Variants in FKBP5 observed in about 807,000 individuals in gnomAD.
FKBP5 encodes peptidyl-prolyl cis-trans isomerase FKBP5.
A neutral mutation model predicts 50.5 loss-of-function variants in FKBP5; 23 were observed. That is an observed-to-expected ratio of 0.46 (90% confidence interval 0.33 to 0.65). The LOEUF (loss-of-function observed/expected upper bound fraction) is 0.65. Among genes scored for constraint, FKBP5 ranks in the 30% least tolerant of loss-of-function variants. The pLI is 0.02. For missense variants in FKBP5, 411 were observed against 553.1 expected, an observed-to-expected ratio of 0.74 and a Z score of 2.58; for synonymous variants, 176 against 190.6, an observed-to-expected ratio of 0.92 and a Z score of 0.63.
At chr6:35,692,682 T>G (rs1262281368), upstream of FKBP5, among the ~76,000 whole-genome samples, 1 of 151,562 alleles carries the variant, frequency 6.6e-6, no homozygotes, top group Non-Finnish European at 1.5e-5. Flanking sequence ...TCCCTGCTAC[T>G]TGGGAGGCTG....
chr6:35,583,385 AAAAC>A, intron 8 of FKBP5: 2 of 985,460 alleles, frequency 2.0e-6, no homozygotes, highest in Non-Finnish European at 2.4e-6. Flanking sequence ...AGGCCATGGT[AAAAC>A]AAAACAAAAC....
At chr6:35,604,595 GTAATCTTTCCTCTATTTTCAATTTT>G (rs1198518233) in intron 5 of FKBP5, among the ~76,000 whole-genome samples, 1 of 152,120 alleles carries the variant, frequency 6.6e-6, no homozygotes, top group Non-Finnish European at 1.5e-5. Flanking sequence ...ATGGGCAGAC[GTAATCTTTCCTCTATTTTCAATTTT>G]TGGTACCTTT....
chr6:35,701,227 GTTTTTGTTT>G (rs1049798425), intron 2 of FKBP5, among the ~76,000 whole-genome samples: 1 of 80,614 alleles, frequency 1.2e-5, no homozygotes, highest in African/African-American at 5.3e-5. Context: ...TTGTTTGTTT[GTTTTTGTTT>G]TTTGTTTTTT....
intron 8 of FKBP5, chr6:35,586,036 T>C: frequency 1.0e-6 from 1 of 985,364 alleles, no homozygotes; most frequent in Non-Finnish European, 1.2e-6. Flanking sequence ...TGCTTTATAC[T>C]GCTGAAAAAC....
At chr6:35,613,848 A>AAATTTC (rs1188910477) in intron 5 of FKBP5, among the ~76,000 whole-genome samples, 1 of 152,210 alleles carries the variant, frequency 6.6e-6, no homozygotes, top group Non-Finnish European at 1.5e-5. Context: ...GTACATTCTA[A>AAATTTC]CAAGATGAAA....
At chr6:35,707,742 T>C (rs894425713) in intron 2 of FKBP5, among the ~76,000 whole-genome samples, 1 of 152,120 alleles carries the variant, frequency 6.6e-6, no homozygotes, top group Non-Finnish European at 1.5e-5. Context: ...GTATCTGTTG[T>C]TCCCCTCTTT....
intron 1 of FKBP5, among the ~76,000 whole-genome samples, chr6:35,726,529 T>A (rs1201861065): frequency 8.5e-6 from 1 of 118,054 alleles, no homozygotes; most frequent in Non-Finnish European, 1.7e-5. Context: ...TCCCATCTCC[T>A]CCTCCTCCAC....
intron 2 of FKBP5, among the ~76,000 whole-genome samples, chr6:35,701,808 T>C (rs996866200): frequency 3.3e-5 from 5 of 152,022 alleles, no homozygotes; most frequent in African/African-American, 1.2e-4. Flanking sequence ...CCCAAAGTGT[T>C]GGGATTACAG....
intron 1 of FKBP5, among the ~76,000 whole-genome samples, chr6:35,670,207 TTTAGAG>T (rs1419868176): frequency 6.6e-6 from 1 of 152,186 alleles, no homozygotes; most frequent in Non-Finnish European, 1.5e-5. Flanking sequence ...TCTTTGCTGT[TTTAGAG>T]TTAATTATTT....
At chr6:35,689,712 G>T (rs1013381339), upstream of FKBP5, among the ~76,000 whole-genome samples, 1 of 151,960 alleles carries the variant, frequency 6.6e-6, no homozygotes, top group Non-Finnish European at 1.5e-5. Context: ...TTGGTGGCGC[G>T]CGCCGTCCCA....
intron 1 of FKBP5, among the ~76,000 whole-genome samples, chr6:35,676,891 C>T (rs1340600499): frequency 6.6e-6 from 1 of 152,194 alleles, no homozygotes; most frequent in African/African-American, 2.4e-5. Context: ...GGAAGCTAGA[C>T]AACTGCTAGT....
At chr6:35,578,092 G>C (rs867229203) in intron 9 of FKBP5, among the ~76,000 whole-genome samples, 1 of 143,270 alleles carries the variant, frequency 7.0e-6, no homozygotes, top group Admixed American at 7.0e-5. Context: ...ACCTCATATT[G>C]TAAGCACAAA....
intron 6 of FKBP5, among the ~76,000 whole-genome samples, chr6:35,594,533 G>C (rs1467601889): frequency 1.3e-5 from 2 of 152,046 alleles, no homozygotes; most frequent in Non-Finnish European, 1.5e-5. Context: ...TATGAAAGTG[G>C]GAAGCTGAAT....
At chr6:35,666,732 T>C (rs930267992) in intron 1 of FKBP5, among the ~76,000 whole-genome samples, 1 of 151,956 alleles carries the variant, frequency 6.6e-6, no homozygotes, top group South Asian at 2.1e-4. Flanking sequence ...CTACTAAAAA[T>C]ACAAAAATTA....
chr6:35,585,479 C>G, intron 8 of FKBP5: 3 of 985,240 alleles, frequency 3.0e-6, no homozygotes, highest in Non-Finnish European at 3.6e-6. Flanking sequence ...CATCTAACTC[C>G]CCTATTTTTC....
intron 2 of FKBP5, among the ~76,000 whole-genome samples, chr6:35,711,374 T>C (rs1385854667): frequency 6.6e-6 from 1 of 150,456 alleles, no homozygotes; most frequent in Non-Finnish European, 1.5e-5. Flanking sequence ...TCCTAACAGT[T>C]TGGGAGGCCA....
intron 3 of FKBP5, among the ~76,000 whole-genome samples, chr6:35,628,042 G>A (rs1219924609): frequency 6.6e-6 from 1 of 151,178 alleles, no homozygotes; most frequent in Non-Finnish European, 1.5e-5. Context: ...CAAAGTGCTG[G>A]CATTACAGGT....
At chr6:35,694,053 G>A (rs371214014) in intron 2 of FKBP5, among the ~76,000 whole-genome samples, 24 of 151,984 alleles carry the variant, frequency 1.6e-4, no homozygotes, top group African/African-American at 5.6e-4. Flanking sequence ...TGCCCAGGCT[G>A]GTCTTGAACT....
chr6:35,654,204 C>G (rs1478344588), intron 1 of FKBP5, among the ~76,000 whole-genome samples: 1 of 152,196 alleles, frequency 6.6e-6, no homozygotes, highest in Non-Finnish European at 1.5e-5. Flanking sequence ...TGGGTACAAT[C>G]ATTTTAGAAC....
Sources: allele counts gnomAD v4.1 joint callset (sites outside exome capture counted in the v4.1 genomes callset), GRCh38; gene constraint gnomAD v4.1.1; transcripts MANE v1.5; gene names NCBI Gene and HGNC (gene_info 2026-07-23, HGNC 2026-07-21).